The following PCDHA4 variants were observed in gnomAD, a reference collection of about 807,000 sequenced individuals.
PCDHA4 encodes protocadherin alpha 4, also known as protocadherin alpha-4.
PCDHA4 carries 49 observed loss-of-function variants against 61.4 expected under a neutral mutation model. The ratio of observed to expected loss-of-function variants is 0.80; its 90% confidence interval spans 0.63 to 1.01. The LOEUF is 1.01. Among genes scored for constraint, PCDHA4 ranks in the 50% least tolerant of loss-of-function variants. The pLI, the probability that PCDHA4 is intolerant of heterozygous loss-of-function variation, is 0.00. For missense variants in PCDHA4, 1,254 were observed against 1,235.8 expected, an observed-to-expected ratio of 1.01 and a Z score of -0.22; for synonymous variants, 590 against 550.3, an observed-to-expected ratio of 1.07 and a Z score of -1.01.
chr5:140,843,741 A>T, intron 1 of PCDHA4: 3 of 1,536,408 alleles, frequency 2.0e-6, no homozygotes. Context: ...TTTAGAACTC[A>T]TAAATTCTAT....
intron 1 of PCDHA4, among the ~76,000 whole-genome samples, chr5:140,889,104 T>C (rs2062103050): frequency 6.6e-6 from 1 of 151,956 alleles, no homozygotes; most frequent in Admixed American, 6.6e-5. Flanking sequence ...TTTTTCATCT[T>C]TATTCCAGGT....
chr5:140,828,801 A>G lies in PCDHA4; in HGVS notation c.2385+19229A>G, dbSNP rs147769613. On this transcript the variant is annotated intron_variant, in intron 1 of 3. Transcript: ENST00000530339. ...CTGGTCACAGTGCTGGATGTGAATG[A>G]TAATGCTCCCACTTTCGAACAGTCT... 2.8e-4 allele frequency: 458 copies of G among 1,614,124 alleles called. No homozygotes were observed. Among genetic ancestry groups the G allele is most frequent in the Non-Finnish European group, 3.7e-4 (435 of 1,180,046 alleles).
rs1243853436 is a variant in PCDHA4, at chr5:140,900,308, A to G, written c.2386-78641A>G. ...CTTTTCTGTTTTTTTAGACAGTCTC[A>G]CTTTTGTCGCCCAGGCTGGAGTACC... On this transcript the variant is annotated intron_variant, in intron 1 of 3. Transcript: ENST00000530339. 1.3e-4 allele frequency among the ~76,000 whole-genome samples: 19 copies of G among 149,982 alleles called. No individual in the cohort carries two copies. The East Asian group carries it at 3.9e-3, about 31-fold the overall frequency.
chr5:140,849,774 G>A lies in PCDHA4; in HGVS notation c.2385+40202G>A, dbSNP rs2150449369. On this transcript the variant is annotated intron_variant, in intron 1 of 3. Transcript: ENST00000530339. ...GTCCGCCTACGAGCTGGTGGTTACC[G>A]CGCGGGACGGGGGCTCGCCTTCACT... 3 of 1,598,480 alleles carry A rather than the reference G, an allele frequency of 1.9e-6. No individual in the cohort carries two copies. In the South Asian group the frequency reaches 3.3e-5, roughly 18 times the overall value.
intron 1 of PCDHA4, chr5:140,858,764 G>A: frequency 4.4e-6 from 2 of 451,976 alleles, no homozygotes; most frequent in South Asian, 5.7e-5. Context: ...ACAAATATTT[G>A]TGAGATTAGT....
At chr5:140,964,753 T>A (rs1411001872) in intron 1 of PCDHA4, among the ~76,000 whole-genome samples, 1 of 149,084 alleles carries the variant, frequency 6.7e-6, no homozygotes, top group East Asian at 1.9e-4. Context: ...TGTAGGGATG[T>A]TTGGGGAGGA....
chr5:140,996,135 C>T (rs2097713564), intron 3 of PCDHA4, among the ~76,000 whole-genome samples: 1 of 152,140 alleles, frequency 6.6e-6, no homozygotes, highest in Non-Finnish European at 1.5e-5. Flanking sequence ...AGAGGGTTCT[C>T]CCATTATCTT....
rs2150272334 is a variant in PCDHA4 at position 140,837,015 on chromosome 5, T to C, written c.2385+27443T>C. On this transcript the variant is annotated intron_variant, in intron 1 of 3. Coordinates refer to ENST00000530339, the MANE Select transcript of PCDHA4 (RefSeq NM_018907.4). ...GCTAACTGGAGCAATGGATTCACCT[T>C]TCTTCTATAGTGTATTTACAAAATC... The C allele has an allele frequency of 2.4e-4, 72 of 298,058 alleles. 1 individual carries two copies. In the East Asian group the frequency reaches 3.4e-3, roughly 14 times the overall value. The allele number at this position is 298,058 out of a possible 1,614,324, so 18.5% of individuals were successfully genotyped here.
intron 1 of PCDHA4, chr5:140,870,835 A>G (rs1304748663): frequency 1.9e-6 from 3 of 1,613,670 alleles, no homozygotes; most frequent in Admixed American, 3.3e-5. Context: ...CGCAGTTAAC[A>G]AGCTAGTACC....
At chr5:140,810,520 T>C (rs1764674598) in intron 1 of PCDHA4, 1 of 152,260 alleles carries the variant, frequency 6.6e-6, no homozygotes, top group Non-Finnish European at 1.5e-5. Flanking sequence ...TTAGCCATTT[T>C]ACTGGGTGAC....
chr5:140,971,778 G>T (rs1346530602), intron 1 of PCDHA4, among the ~76,000 whole-genome samples: 1 of 151,860 alleles, frequency 6.6e-6, no homozygotes, highest in Admixed American at 6.6e-5. Flanking sequence ...TATTATTCAA[G>T]ATTATTCAAT....
chr5:140,830,462 T>C, intron 1 of PCDHA4: 1 of 1,579,416 alleles, frequency 6.3e-7, no homozygotes, highest in Non-Finnish European at 8.6e-7. Flanking sequence ...GAATCAGGAT[T>C]TAAATGAAGA....
chr5:140,871,695 T>C (rs1250599377), intron 1 of PCDHA4: 7 of 974,792 alleles, frequency 7.2e-6, no homozygotes, highest in Non-Finnish European at 8.8e-6. Flanking sequence ...CTGGCTTCTT[T>C]AACCAATAAA....
At chr5:140,968,283 A>G in intron 1 of PCDHA4, 1 of 1,613,726 alleles carries the variant, frequency 6.2e-7, no homozygotes, top group Non-Finnish European at 8.5e-7. Flanking sequence ...GAGGTGACCT[A>G]CTCCCTTCTG....
intron 3 of PCDHA4, among the ~76,000 whole-genome samples, chr5:140,999,223 G>A (rs1554256702): frequency 3.3e-5 from 5 of 152,316 alleles, no homozygotes; most frequent in African/African-American, 1.2e-4. Flanking sequence ...TACTACATTT[G>A]AGAATAGGTG....
rs782172662 is a variant in PCDHA4 at position 140,808,547 on chromosome 5, G to C, written c.1360G>C (p.Ala454Pro). ...EVADVNDNAPAFAQPEYTVFV... is the reference protein window; with the variant it reads ...EVADVNDNAPPFAQPEYTVFV... The stretch of plus-strand genomic sequence containing the variant: ...GGCTGATGTGAACGACAACGCTCCG[G>C]CGTTCGCGCAGCCCGAGTACACAGT... Residue 454 changes from alanine (A) to proline (P), a missense_variant, in exon 1 of 4, where the codon GCG (alanine) becomes CCG (proline). Ala to Pro is a conservative substitution (Grantham distance 27). Transcript: ENST00000530339. 1 of 1,614,130 alleles carries C rather than the reference G, an allele frequency of 6.2e-7. No homozygotes were observed. Among genetic ancestry groups the C allele is most frequent in the South Asian group, 1.1e-5 (1 of 91,090 alleles).
intron 3 of PCDHA4, among the ~76,000 whole-genome samples, chr5:140,998,172 T>C (rs1438782798): frequency 6.6e-6 from 1 of 152,184 alleles, no homozygotes; most frequent in Admixed American, 6.5e-5. Flanking sequence ...CCAAGTATTA[T>C]TCTAAGCACT....
intron 1 of PCDHA4, among the ~76,000 whole-genome samples, chr5:140,827,112 A>G (rs768738811): frequency 2.0e-5 from 3 of 152,224 alleles, no homozygotes; most frequent in Non-Finnish European, 4.4e-5. Context: ...TGTATAGGTG[A>G]AAGTGACAAT....
At chr5:140,824,610 G>GTTTTTTTTTTTTGT (rs1768201083) in intron 1 of PCDHA4, 1 of 95,104 alleles carries the variant, frequency 1.1e-5, no homozygotes, top group African/African-American at 4.9e-5. Context: ...GCTAATTAAA[G>GTTTTTTTTTTTTGT]TTTTTTTTTT....
Sources: gnomAD v4.1 joint callset for allele counts (sites outside exome capture counted in the v4.1 genomes callset) on GRCh38, gnomAD v4.1.1 for gene constraint, MANE v1.5 for transcripts, NCBI Gene and HGNC (gene_info 2026-07-23, HGNC 2026-07-21) for gene names.